The following ESYT2 variants were observed in gnomAD, a reference collection of about 807,000 sequenced individuals.
The protein encoded by ESYT2 is extended synaptotagmin-2.
In ESYT2, 54 loss-of-function variants were observed where a neutral mutation model predicts 107.2. That is an observed-to-expected ratio of 0.50 (90% CI 0.40 to 0.63). The LOEUF (loss-of-function observed/expected upper bound fraction) is 0.63, where lower values mean the gene tolerates loss of function less well. Among genes scored for constraint, ESYT2 ranks in the 30% least tolerant of loss-of-function variants. The pLI, the probability that ESYT2 is intolerant of heterozygous loss-of-function variation, is 0.00. For missense variants in ESYT2, 1,020 were observed against 1,094.5 expected, an observed-to-expected ratio of 0.93 and a Z score of 0.96; for synonymous variants, 491 against 434.1, an observed-to-expected ratio of 1.13 and a Z score of -1.63.
chr7:158,734,091 G>T lies in ESYT2; in HGVS notation c.*116C>A. 8.2e-7 allele frequency: 1 copy of T among 1,217,064 alleles called. No individual in the cohort carries two copies. Among genetic ancestry groups the T allele is most frequent in the Admixed American group, 2.2e-5 (1 of 44,844 alleles). 75.4% of individuals were successfully genotyped at this position (1,217,064 alleles called of 1,614,324 possible). ...TCAACAATTTTATAAAACTATTAAG[G>T]TATGTATAACTAAATCCATGAAATT... On this transcript the variant is annotated 3_prime_UTR_variant, in exon 23 of 23. Transcript: ENST00000275418.
intron 18 of ESYT2, among the ~76,000 whole-genome samples, 179 bp downstream of exon 18, chr7:158,741,344 C>T (rs1837194144): frequency 6.6e-6 from 1 of 152,234 alleles, no homozygotes; most frequent in South Asian, 2.1e-4. Context: ...TTCCAAAGTC[C>T]GAGATGCAGT....
intron 13 of ESYT2, among the ~76,000 whole-genome samples, chr7:158,757,469 C>T (rs71547569): frequency 0.11 from 16,475 of 152,178 alleles, 929 homozygotes; most frequent in African/African-American, 0.13. Flanking sequence ...AAGCAGAGAA[C>T]GGTGGATTGT....
intron 7 of ESYT2, among the ~76,000 whole-genome samples, chr7:158,768,946 C>T (rs985745138): frequency 3.9e-5 from 6 of 152,210 alleles, no homozygotes; most frequent in African/African-American, 1.4e-4. Context: ...TGTGGCAGCA[C>T]TTTTAAACAC....
At chr7:158,806,836 GGTT>G (rs1442498132) in intron 1 of ESYT2, among the ~76,000 whole-genome samples, 12 of 151,922 alleles carry the variant, frequency 7.9e-5, no homozygotes, top group African/African-American at 2.9e-4. Flanking sequence ...AAGACAATCC[GGTT>G]GTTTTTATTT....
In ESYT2 at chr7:158,816,905, G is replaced by A. The variant is rs79121863; in HGVS notation, c.330+12184C>T. 5.3e-4 allele frequency among the ~76,000 whole-genome samples: 80 copies of A among 152,338 alleles called. 1 individual carries two copies. The East Asian group carries it at 9.3e-3, about 18-fold the overall frequency. On this transcript the variant is annotated intron_variant, in intron 1 of 22. Coordinates refer to ENST00000275418, the MANE Select transcript of ESYT2 (RefSeq NM_001367773.1). ...TTCGGTTTCAAAAGTCTAGCACTCA[G>A]ATATTAATGTAGACGGTGTTAACAA...
At chr7:158,816,345 A>G (rs546056384) in intron 1 of ESYT2, among the ~76,000 whole-genome samples, 1 of 152,344 alleles carries the variant, frequency 6.6e-6, no homozygotes, top group East Asian at 1.9e-4. Flanking sequence ...AGCTCACTGC[A>G]GCCTCAATCC....
chr7:158,796,029 T>TAC (rs1026427882), intron 3 of ESYT2, among the ~76,000 whole-genome samples: 1 of 152,176 alleles, frequency 6.6e-6, no homozygotes, highest in Non-Finnish European at 1.5e-5. Flanking sequence ...TCATGGGGTG[T>TAC]ACACTGGTGC....
At chr7:158,820,001 C>A (rs571690062) in intron 1 of ESYT2, among the ~76,000 whole-genome samples, 26 of 152,324 alleles carry the variant, frequency 1.7e-4, no homozygotes, top group African/African-American at 5.5e-4. Flanking sequence ...CGAAAGGACA[C>A]TGCTGCTGCA....
At chr7:158,747,205 A>C (rs1478660987) in intron 16 of ESYT2, among the ~76,000 whole-genome samples, 1 of 150,204 alleles carries the variant, frequency 6.7e-6, no homozygotes, top group Non-Finnish European at 1.5e-5. Flanking sequence ...GAAATCAGCC[A>C]GGTGTGGTGG....
At chr7:158,806,065 G>A (rs965441491) in intron 1 of ESYT2, among the ~76,000 whole-genome samples, 3 of 151,324 alleles carry the variant, frequency 2.0e-5, no homozygotes, top group East Asian at 1.9e-4. Context: ...AGCCGGCGCC[G>A]GGGCACACCG....
chr7:158,755,763 C>T (rs1385494277), intron 13 of ESYT2, among the ~76,000 whole-genome samples: 1 of 152,130 alleles, frequency 6.6e-6, no homozygotes, highest in Non-Finnish European at 1.5e-5. Flanking sequence ...CCTAACCCCT[C>T]AGGGTCTTGA....
At chr7:158,768,859 C>T (rs888823237) in intron 7 of ESYT2, among the ~76,000 whole-genome samples, 6 of 152,194 alleles carry the variant, frequency 3.9e-5, no homozygotes, top group African/African-American at 1.4e-4. Flanking sequence ...AGCGAGACCC[C>T]TCATCTCTAT....
intron 1 of ESYT2, among the ~76,000 whole-genome samples, chr7:158,813,813 CA>C (rs1351968549): frequency 6.6e-6 from 1 of 151,794 alleles, no homozygotes; most frequent in Non-Finnish European, 1.5e-5. Context: ...TCTCACAGAT[CA>C]AAAACATTTT....
chr7:158,750,405 A>G (rs1379327687), intron 14 of ESYT2, among the ~76,000 whole-genome samples: 1 of 152,170 alleles, frequency 6.6e-6, no homozygotes. Context: ...GTGTGACATG[A>G]GGTTTATTTA....
intron 18 of ESYT2, among the ~76,000 whole-genome samples, chr7:158,740,815 G>A (rs1466017995): frequency 2.0e-5 from 3 of 152,186 alleles, no homozygotes; most frequent in South Asian, 4.1e-4. Flanking sequence ...CACAGTCTGC[G>A]TGTGCTTTTT....
At chr7:158,796,142 T>C (rs1839451137) in intron 3 of ESYT2, among the ~76,000 whole-genome samples, 1 of 152,242 alleles carries the variant, frequency 6.6e-6, no homozygotes, top group African/African-American at 2.4e-5. Context: ...GTTTGCTGAC[T>C]CTGCTGTGTG....
At chr7:158,797,856 G>A (rs200509543) in intron 3 of ESYT2, 86 bp downstream of exon 3, 21 of 1,232,326 alleles carry the variant, frequency 1.7e-5, no homozygotes, top group African/African-American at 3.1e-5. Context: ...TCCGTCTCAA[G>A]AAAAAAAAAA....
intron 6 of ESYT2, among the ~76,000 whole-genome samples, chr7:158,779,549 C>T (rs1838698059): frequency 1.3e-5 from 2 of 152,344 alleles, no homozygotes; most frequent in South Asian, 4.1e-4. Context: ...GTAATCTTAT[C>T]TGTAACCTTT....
At chr7:158,780,959 T>C (rs1309896415) in intron 6 of ESYT2, among the ~76,000 whole-genome samples, 1 of 152,108 alleles carries the variant, frequency 6.6e-6, no homozygotes, top group Non-Finnish European at 1.5e-5. Flanking sequence ...ACAAAGAGTG[T>C]GAGAGGCTGT....
Sources: allele counts gnomAD v4.1 joint callset (sites outside exome capture counted in the v4.1 genomes callset), GRCh38; gene constraint gnomAD v4.1.1; transcripts MANE v1.5; gene names NCBI Gene and HGNC (gene_info 2026-07-23, HGNC 2026-07-21).